IGSF10: variants seen among roughly 807,000 people sequenced by gnomAD.
IGSF10 encodes the protein calvaria mechanical force protein 608.
IGSF10 carries 126 observed loss-of-function variants against 128.2 expected under a neutral mutation model. The observed-to-expected ratio is 0.98, with a 90% confidence interval of 0.85 to 1.14. The LOEUF (loss-of-function observed/expected upper bound fraction) is 1.14, where lower values mean the gene tolerates loss of function less well. Ranked by LOEUF, IGSF10 falls within the 50% of genes most tolerant of loss-of-function variation. IGSF10 has a pLI of 0.00. For synonymous variants in IGSF10, 1,185 were observed against 1,146.2 expected, an observed-to-expected ratio of 1.03 and a Z score of -0.68; for missense variants, 3,295 against 3,149.8, an observed-to-expected ratio of 1.05 and a Z score of -1.10.
chr3:151,446,879 A>G lies in IGSF10; in HGVS notation c.3102T>C (p.His1034=). The stretch of plus-strand genomic sequence containing the variant: ...TTGTTGACCTGAAAATGCTGTATCT[A>G]TGCCGTCGCAGAACTGGAGTTCTAT... ...SPYRTPVLRR[H]RYSIFRSTTR... is the part of the protein sequence containing the mutation. The change falls in exon 6 of 8, where the codon CAT becomes CAC. Residue 1034 remains histidine, a synonymous_variant. Transcript: ENST00000282466. 6.2e-7 allele frequency: 1 copy of G among 1,614,162 alleles called. No individual in the cohort carries two copies. Among genetic ancestry groups the G allele is most frequent in the Non-Finnish European group, 8.5e-7 (1 of 1,180,020 alleles).
chr3:151,553,419 T>C, the IGSF10 span, among the ~76,000 whole-genome samples: 721 of 152,186 alleles, frequency 4.7e-3, 9 homozygotes, highest in Middle Eastern at 0.054. Context: ...TCAGTAGCTA[T>C]TAAAATTGTC....
chr3:151,506,171 T>C, the IGSF10 span, among the ~76,000 whole-genome samples: 3 of 152,184 alleles, frequency 2.0e-5, no homozygotes. Context: ...GCCAGGATGG[T>C]CTCGATCTCC....
rs1027647160 is a variant in IGSF10, at chr3:151,445,161, A to G, written c.4820T>C (p.Val1607Ala). The part of the protein sequence containing the change: ...TTGLSEATTL[V>A]SDWDGQKNTK... ...GTTCTTCTGTCCATCCCAATCTGAA[A>G]CAAGAGTGGTGGCCTCGGACAGGCC... is the stretch of plus-strand genomic sequence containing the variant. Residue 1607 changes from valine to alanine, a missense_variant, in exon 6 of 8, where the codon GTT (valine) becomes GCT (alanine). Coordinates refer to ENST00000282466, the MANE Select transcript of IGSF10 (RefSeq NM_178822.5). 2 of 1,614,092 alleles carry G rather than the reference A, an allele frequency of 1.2e-6. No homozygotes were observed. Among genetic ancestry groups the G allele is most frequent in the African/African-American group, 1.3e-5 (1 of 74,924 alleles).
At chr3:151,493,362 C>T in the IGSF10 span, among the ~76,000 whole-genome samples, 2 of 152,136 alleles carry the variant, frequency 1.3e-5, no homozygotes, top group Non-Finnish European at 2.9e-5. Flanking sequence ...TATCTATAGT[C>T]ATGTGTTACA....
the IGSF10 span, among the ~76,000 whole-genome samples, chr3:151,583,111 T>C: frequency 2.6e-5 from 4 of 152,224 alleles, no homozygotes; most frequent in South Asian, 2.1e-4. Flanking sequence ...CTTTTTGATA[T>C]TGATTTTTTA....
intron 6 of IGSF10, 37 bp from the exon 7 acceptor site, chr3:151,443,921 T>C (rs1409441411): frequency 2.7e-6 from 4 of 1,478,358 alleles, no homozygotes; most frequent in Non-Finnish European, 2.7e-6. Flanking sequence ...CTACGGGTCA[T>C]CAAAGTTTAT....
chr3:151,487,237 T>C, the IGSF10 span, among the ~76,000 whole-genome samples: 2 of 152,044 alleles, frequency 1.3e-5, no homozygotes, highest in Non-Finnish European at 1.5e-5. Flanking sequence ...CTAGAAGAAA[T>C]GGATAAATTC....
the IGSF10 span, among the ~76,000 whole-genome samples, chr3:151,553,780 C>T: frequency 6.6e-6 from 1 of 151,760 alleles, no homozygotes; most frequent in Admixed American, 6.6e-5. Flanking sequence ...CAGTCAAACC[C>T]TATGTTGAAA....
At chr3:151,514,331 T>C in the IGSF10 span, among the ~76,000 whole-genome samples, 36 of 151,980 alleles carry the variant, frequency 2.4e-4, no homozygotes, top group Non-Finnish European at 4.3e-4. Context: ...CTACAACTAT[T>C]TGATCTTTGA....
At chr3:151,505,940 T>G in the IGSF10 span, among the ~76,000 whole-genome samples, 1 of 41,608 alleles carries the variant, frequency 2.4e-5, no homozygotes, top group Admixed American at 2.6e-4. Context: ...GCTGGCTTGC[T>G]TCTTCTTCCT....
At chr3:151,618,366 T>G in the IGSF10 span, among the ~76,000 whole-genome samples, 6 of 152,238 alleles carry the variant, frequency 3.9e-5, no homozygotes, top group Non-Finnish European at 8.8e-5. Context: ...GATGCTAAAA[T>G]GTTTTAAAAT....
the IGSF10 span, among the ~76,000 whole-genome samples, chr3:151,481,091 G>A: frequency 6.6e-6 from 1 of 152,134 alleles, no homozygotes; most frequent in African/African-American, 2.4e-5. Flanking sequence ...CACCATAGCT[G>A]ACATGGTGCC....
At chr3:151,584,926 T>G in the IGSF10 span, among the ~76,000 whole-genome samples, 1 of 152,254 alleles carries the variant, frequency 6.6e-6, no homozygotes, top group Non-Finnish European at 1.5e-5. Context: ...GGCAGGGCAC[T>G]GTCTGTGTTC....
chr3:151,534,676 G>C, the IGSF10 span, among the ~76,000 whole-genome samples: 1 of 151,776 alleles, frequency 6.6e-6, no homozygotes, highest in Admixed American at 6.6e-5. Flanking sequence ...CTGGGGGAGG[G>C]GTAGCATTAG....
the IGSF10 span, among the ~76,000 whole-genome samples, chr3:151,546,281 C>T: frequency 6.6e-6 from 1 of 152,092 alleles, no homozygotes; most frequent in African/African-American, 2.4e-5. Context: ...ATCTACACCA[C>T]CAAGATACCA....
the IGSF10 span, among the ~76,000 whole-genome samples, chr3:151,521,071 G>T: frequency 0.015 from 2,354 of 151,944 alleles, 22 homozygotes; most frequent in Middle Eastern, 0.027. Flanking sequence ...AAAATCAGGG[G>T]TTATAATACT....
At chr3:151,501,548 A>G in the IGSF10 span, among the ~76,000 whole-genome samples, 3 of 152,082 alleles carry the variant, frequency 2.0e-5, no homozygotes, top group African/African-American at 7.2e-5. Context: ...TAAGTGTTAG[A>G]GTATTTCTCA....
At chr3:151,524,280 A>T in the IGSF10 span, among the ~76,000 whole-genome samples, 1 of 152,180 alleles carries the variant, frequency 6.6e-6, no homozygotes, top group Non-Finnish European at 1.5e-5. Flanking sequence ...ATTACTGGGC[A>T]TATACCCAGA....
At chr3:151,461,866 T>G (rs1455335481), upstream of IGSF10, among the ~76,000 whole-genome samples, 3 of 152,262 alleles carry the variant, frequency 2.0e-5, no homozygotes, top group African/African-American at 4.8e-5. Context: ...TCACTTGGCA[T>G]AATGTCCTCC....
Sources: gnomAD v4.1 joint callset for allele counts (sites outside exome capture counted in the v4.1 genomes callset) on GRCh38, gnomAD v4.1.1 for gene constraint, MANE v1.5 for transcripts, NCBI Gene and HGNC (gene_info 2026-07-23, HGNC 2026-07-21) for gene names.